The following CCSER1 variants were observed in gnomAD, a reference collection of about 807,000 sequenced individuals.
CCSER1 encodes the protein serine-rich coiled-coil domain-containing protein 1.
CCSER1 carries 41 observed loss-of-function variants against 82.0 expected under a neutral mutation model. The observed-to-expected ratio is 0.50, with a 90% CI of 0.39 to 0.65. The LOEUF (loss-of-function observed/expected upper bound fraction) is 0.65. Ranked by LOEUF, CCSER1 falls within the 30% of genes least tolerant of loss-of-function variation. The pLI is 0.00. For synonymous variants in CCSER1, 414 were observed against 383.9 expected (o/e 1.08, Z -0.92); for missense variants, 1,119 against 1,064.2 (o/e 1.05, Z -0.72).
chr4:90,190,232 A>C (rs1357717994), intron 1 of CCSER1, among the ~76,000 whole-genome samples: 1 of 152,084 alleles, frequency 6.6e-6, no homozygotes, highest in African/African-American at 2.4e-5. Flanking sequence ...GAGTCCTCCC[A>C]AAAAATAAAT....
chr4:90,620,286 G>A (rs998057339), intron 5 of CCSER1, among the ~76,000 whole-genome samples: 3 of 151,900 alleles, frequency 2.0e-5, no homozygotes, highest in Non-Finnish European at 4.4e-5. Context: ...GATACAATAT[G>A]GTAAAAGAAC....
intron 10 of CCSER1, among the ~76,000 whole-genome samples, chr4:91,455,316 C>T (rs574727686): frequency 6.6e-6 from 1 of 152,168 alleles, no homozygotes; most frequent in South Asian, 2.1e-4. Flanking sequence ...ATTCTTTTCT[C>T]TCAAAAATTC....
At chr4:90,818,456 T>C (rs922289089) in intron 8 of CCSER1, among the ~76,000 whole-genome samples, 11 of 152,082 alleles carry the variant, frequency 7.2e-5, no homozygotes, top group African/African-American at 2.7e-4. Context: ...TTTTGTATTT[T>C]TAGTAGAGAC....
intron 4 of CCSER1, among the ~76,000 whole-genome samples, chr4:90,444,924 A>T (rs1325710177): frequency 1.3e-5 from 2 of 152,036 alleles, no homozygotes; most frequent in Non-Finnish European, 2.9e-5. Flanking sequence ...CATGACATTT[A>T]TTATATTGGA....
At chr4:90,131,990 A>G (rs1046775637) in intron 1 of CCSER1, among the ~76,000 whole-genome samples, 3 of 152,246 alleles carry the variant, frequency 2.0e-5, no homozygotes, top group African/African-American at 4.8e-5. Flanking sequence ...TTTTGGTGAC[A>G]GTAAAGAAAT....
At chr4:90,845,398 A>C (rs906482458) in intron 8 of CCSER1, among the ~76,000 whole-genome samples, 1 of 151,874 alleles carries the variant, frequency 6.6e-6, no homozygotes, top group African/African-American at 2.4e-5. Context: ...TGTTGAGTGA[A>C]TGAAATAGAT....
At chr4:91,497,224 A>G (rs543907139) in intron 10 of CCSER1, among the ~76,000 whole-genome samples, 13 of 151,718 alleles carry the variant, frequency 8.6e-5, no homozygotes, top group South Asian at 4.1e-4. Flanking sequence ...AAGAATAGTT[A>G]CCTCATGAAG....
intron 10 of CCSER1, among the ~76,000 whole-genome samples, chr4:91,091,741 C>T (rs1392847638): frequency 6.6e-6 from 1 of 152,110 alleles, no homozygotes; most frequent in Non-Finnish European, 1.5e-5. Context: ...ATTCCTTCTA[C>T]CTTCACAGCT....
chr4:90,576,560 GC>G (rs1445721083), intron 5 of CCSER1, among the ~76,000 whole-genome samples: 5 of 152,006 alleles, frequency 3.3e-5, no homozygotes, highest in African/African-American at 1.2e-4. Context: ...AACCACTGAT[GC>G]TTTTTCTTTT....
chr4:91,050,415 A>C (rs964733695), intron 9 of CCSER1, among the ~76,000 whole-genome samples: 9 of 142,358 alleles, frequency 6.3e-5, no homozygotes, highest in African/African-American at 2.4e-4. Flanking sequence ...TGGGTGATAG[A>C]GTGAGACTCT....
At position 91,600,643 on chromosome 4, in the gene CCSER1, C is replaced by T. The variant is rs1376189608; in HGVS notation, c.*1586C>T. On this transcript the variant is annotated 3_prime_UTR_variant, in exon 11 of 11. Coordinates refer to ENST00000509176, the MANE Select transcript of CCSER1 (RefSeq NM_001145065.2). ...TGTGCCCTGTGCTTTGGGGAAAAGC[C>T]ATTAGACACTCCACCCCTGAGCTTT... 2 of 152,094 alleles carry T rather than the reference C, an allele frequency of 1.3e-5. No individual in the cohort carries two copies. The highest frequency in any genetic ancestry group is 2.9e-5 in the Non-Finnish European group (2 of 67,998). The allele number at this position is 152,094 out of a possible 1,614,324, so 9.4% of individuals were successfully genotyped here. A position where few individuals can be genotyped will look rare whatever the true frequency, so the allele number is the denominator to read the frequency against.
intron 9 of CCSER1, among the ~76,000 whole-genome samples, chr4:90,964,683 C>T (rs1415780335): frequency 6.9e-6 from 1 of 145,108 alleles, no homozygotes; most frequent in Non-Finnish European, 1.5e-5. Context: ...CGAGATTGTG[C>T]CACTGCATTC....
At chr4:91,256,432 G>C (rs190287720) in intron 10 of CCSER1, among the ~76,000 whole-genome samples, 69 of 152,248 alleles carry the variant, frequency 4.5e-4, no homozygotes, top group Non-Finnish European at 4.9e-4. Context: ...TGCCCTTGAA[G>C]CATGTGATCT....
chr4:91,517,672 TC>T (rs36178424), intron 10 of CCSER1, among the ~76,000 whole-genome samples: 82,228 of 151,580 alleles, frequency 0.54, 22,562 homozygotes, highest in East Asian at 0.62. Flanking sequence ...ACTAGTGCAT[TC>T]ATTTGGAAGA....
At chr4:91,215,920 A>G (rs1399850434) in intron 10 of CCSER1, among the ~76,000 whole-genome samples, 2 of 152,160 alleles carry the variant, frequency 1.3e-5, no homozygotes, top group Non-Finnish European at 2.9e-5. Flanking sequence ...CTCCCTGAGG[A>G]CTTGAAAACT....
chr4:91,172,074 C>T (rs1379769780), intron 10 of CCSER1, among the ~76,000 whole-genome samples: 2 of 151,662 alleles, frequency 1.3e-5, no homozygotes, highest in Admixed American at 6.6e-5. Context: ...TTATAAAAGC[C>T]CATTGATATA....
chr4:91,013,727 C>T lies in CCSER1; in HGVS notation c.2173-72223C>T, dbSNP rs1315275988. ...ACGCCATTCTCCTGCCTCAGGCTCC[C>T]GAGCAGCTGGGACTCCAGGCACCTG... On this transcript the variant is annotated intron_variant, in intron 9 of 10. Coordinates refer to ENST00000509176, the MANE Select transcript of CCSER1 (RefSeq NM_001145065.2). Among the ~76,000 whole-genome samples, 8 of 127,584 alleles carry T rather than the reference C, an allele frequency of 6.3e-5. 1 individual carries two copies. The East Asian group carries it at 1.3e-3, about 20-fold the overall frequency. 83.7% of individuals were successfully genotyped at this position (127,584 alleles called of 152,430 possible).
chr4:91,175,968 T>C (rs1184484925), intron 10 of CCSER1, among the ~76,000 whole-genome samples: 2 of 152,212 alleles, frequency 1.3e-5, no homozygotes, highest in Admixed American at 6.5e-5. Context: ...GTCTAACATT[T>C]AATCTTTAAT....
At chr4:90,809,067 C>T (rs569007885) in intron 7 of CCSER1, among the ~76,000 whole-genome samples, 4 of 152,006 alleles carry the variant, frequency 2.6e-5, no homozygotes, top group Non-Finnish European at 4.4e-5. Flanking sequence ...TCCGTAATCC[C>T]AACATTTTGG....
Sources: gnomAD v4.1 joint callset for allele counts (sites outside exome capture counted in the v4.1 genomes callset) on GRCh38, gnomAD v4.1.1 for gene constraint, MANE v1.5 for transcripts, NCBI Gene and HGNC (gene_info 2026-07-23, HGNC 2026-07-21) for gene names.